The following CASK variants were observed in gnomAD, a reference collection of about 807,000 sequenced individuals.
The protein encoded by CASK is peripheral plasma membrane protein CASK.
CASK carries 4 observed loss-of-function variants against 82.9 expected under a neutral mutation model. The observed-to-expected ratio is 0.05, with a 90% CI of 0.02 to 0.11. CASK has a LOEUF of 0.11. Ranked by LOEUF, CASK falls within the 10% of genes least tolerant of loss-of-function variation. The probability of loss-of-function intolerance (pLI) is 1.00; values close to 1 mark genes in which losing one functional copy is unlikely to be tolerated. For synonymous variants in CASK, 259 were observed against 253.5 expected, an observed-to-expected ratio of 1.02 and a Z score of -0.20; for missense variants, 358 against 720.9, an observed-to-expected ratio of 0.50 and a Z score of 5.76.
rs755594972 is a variant in CASK, at chrX:41,626,682, A to T, written c.937T>A (p.Ser313Thr). The change falls in exon 10 of 27, where the codon TCA becomes ACA. Residue 313 changes from serine to threonine, a missense_variant. Coordinates refer to ENST00000378163, the MANE Select transcript of CASK (RefSeq NM_001367721.1). ...TAGAATGAGTTGAATTTGTGACTTGACACAGCGGCTAGTACTGCACCCTAA... is the reference window on the plus strand; with the variant it reads ...TAGAATGAGTTGAATTTGTGACTTGTCACAGCGGCTAGTACTGCACCCTAA... ...KLKGAVLAAV[S>T]SHKFNSFYGD... The T allele has an allele frequency of 2.1e-5, 25 of 1,195,012 alleles. No individual in the cohort carries two copies. In the South Asian group the frequency reaches 4.4e-4, roughly 21 times the overall value.
intron 25 of CASK, chrX:41,524,768 C>G (rs1032212248): frequency 1.8e-5 from 2 of 111,166 alleles, no homozygotes; most frequent in African/African-American, 6.6e-5. Context: ...TGCAGTCAGA[C>G]GCTGTGGGAG....
chrX:41,910,203 C>A (rs1317758053), intron 1 of CASK, among the ~76,000 whole-genome samples: 1 of 108,517 alleles, frequency 9.2e-6, no homozygotes, highest in African/African-American at 3.4e-5. Flanking sequence ...GCCTGGGTGA[C>A]AGAGTGAGAC....
chrX:41,762,681 T>G (rs1406942476), intron 3 of CASK, among the ~76,000 whole-genome samples: 2 of 111,813 alleles, frequency 1.8e-5, no homozygotes, highest in Non-Finnish European at 3.8e-5. Context: ...CTGGCCTCTA[T>G]GACTCTCAGC....
chrX:41,877,548 G>A (rs1200193396), intron 1 of CASK, among the ~76,000 whole-genome samples: 1 of 111,174 alleles, frequency 9.0e-6, no homozygotes, highest in Non-Finnish European at 1.9e-5. Context: ...AGCCCAGAGG[G>A]TGAGGGTATG....
rs568466549 is a variant in CASK, at chrX:41,535,502, A to G, written c.2156-529T>C. The stretch of plus-strand genomic sequence containing the variant: ...TTCTTTCTTTCAACAGAGTTGATGA[A>G]GGTGGCATGCTAGATTCTAAGGCAA... On this transcript the variant is annotated intron_variant, in intron 22 of 26. Transcript: ENST00000378163. Among the ~76,000 whole-genome samples, 13 of 109,966 alleles carry G rather than the reference A, an allele frequency of 1.2e-4. No individual in the cohort carries two copies. The South Asian group carries it at 5.1e-3, about 43-fold the overall frequency.
intron 5 of CASK, among the ~76,000 whole-genome samples, chrX:41,707,961 T>C (rs1318443215): frequency 9.1e-6 from 1 of 110,397 alleles, no homozygotes; most frequent in Non-Finnish European, 1.9e-5. Flanking sequence ...CTACTAAAAA[T>C]ACAAAAATTA....
intron 5 of CASK, among the ~76,000 whole-genome samples, chrX:41,679,493 CAGTT>C (rs2067317661): frequency 8.9e-6 from 1 of 112,177 alleles, no homozygotes; most frequent in Admixed American, 9.4e-5. Flanking sequence ...ATGAATATAT[CAGTT>C]TGTCCATTCT....
intron 3 of CASK, among the ~76,000 whole-genome samples, chrX:41,751,984 TGC>T (rs779363349): frequency 1.4e-4 from 15 of 106,230 alleles, no homozygotes; most frequent in Non-Finnish European, 2.5e-4. Flanking sequence ...AGATTGAGGT[TGC>T]AGTGAGCCAT....
At chrX:41,760,078 TTTG>T (rs1173994604) in intron 3 of CASK, among the ~76,000 whole-genome samples, 3 of 111,993 alleles carry the variant, frequency 2.7e-5, no homozygotes, top group African/African-American at 9.7e-5. Flanking sequence ...GACCTCTGGA[TTTG>T]TTGTTTACGT....
At chrX:41,545,058 T>C (rs1200303652) in intron 21 of CASK, among the ~76,000 whole-genome samples, 1 of 110,441 alleles carries the variant, frequency 9.1e-6, no homozygotes, top group Non-Finnish European at 1.9e-5. Flanking sequence ...CAGATTCTCC[T>C]TGTGATGCCC....
At chrX:41,918,388 T>C (rs772631829) in intron 1 of CASK, among the ~76,000 whole-genome samples, 90 of 112,706 alleles carry the variant, frequency 8.0e-4, no homozygotes, top group Non-Finnish European at 1.4e-3. Context: ...CACAAGTATG[T>C]AATTTAAAGC....
chrX:41,693,577 G>A (rs1338969149), intron 5 of CASK, among the ~76,000 whole-genome samples: 1 of 112,119 alleles, frequency 8.9e-6, no homozygotes, highest in Non-Finnish European at 1.9e-5. Flanking sequence ...TCACGCCATT[G>A]CACTCTAGCC....
At chrX:41,605,598 G>C (rs2065948457) in intron 12 of CASK, among the ~76,000 whole-genome samples, 1 of 111,616 alleles carries the variant, frequency 9.0e-6, no homozygotes, top group African/African-American at 3.3e-5. Flanking sequence ...ACAAAAAAAG[G>C]CAGAAGAATT....
At chrX:41,730,682 A>T (rs2147694206) in intron 5 of CASK, among the ~76,000 whole-genome samples, 1 of 110,840 alleles carries the variant, frequency 9.0e-6, no homozygotes, top group South Asian at 3.9e-4. Flanking sequence ...AGATGCACAG[A>T]TTTCTCCACA....
intron 2 of CASK, among the ~76,000 whole-genome samples, chrX:41,820,594 T>C (rs950309933): frequency 2.7e-5 from 3 of 111,263 alleles, no homozygotes; most frequent in Non-Finnish European, 5.7e-5. Context: ...AATTAATATA[T>C]AGATTAAAAG....
chrX:41,631,884 G>A (rs765748771), intron 9 of CASK, among the ~76,000 whole-genome samples: 44 of 111,311 alleles, frequency 4.0e-4, no homozygotes, highest in African/African-American at 1.2e-3. Context: ...GAATATTTGC[G>A]GAACTGCTCA....
At chrX:41,888,770 T>G (rs1348151108) in intron 1 of CASK, among the ~76,000 whole-genome samples, 1 of 95,609 alleles carries the variant, frequency 1.0e-5, no homozygotes, top group East Asian at 2.9e-4. Context: ...TGTGTATATA[T>G]GTATATATAC....
In CASK at chrX:41,519,536, T is replaced by G. The variant is rs1308381233; in HGVS notation, c.*884A>C. The G allele has an allele frequency of 1.8e-5, 2 of 111,019 alleles. No homozygotes were observed. Among genetic ancestry groups the G allele is most frequent in the Non-Finnish European group, 3.8e-5 (2 of 52,990 alleles). 9.1% of individuals were successfully genotyped at this position (111,019 alleles called of 1,213,427 possible). ...AAATTGAGACAAAATTACAAACACA[T>G]TTCACTACATGATTATTATTAATAA... On this transcript the variant is annotated 3_prime_UTR_variant, in exon 27 of 27. Coordinates refer to ENST00000378163, the MANE Select transcript of CASK (RefSeq NM_001367721.1).
At chrX:41,774,251 T>C (rs980910017) in intron 3 of CASK, among the ~76,000 whole-genome samples, 2 of 111,001 alleles carry the variant, frequency 1.8e-5, no homozygotes, top group Non-Finnish European at 1.9e-5. Context: ...AGTCTCAGGA[T>C]ACAAAATCAA....
Sources: allele counts gnomAD v4.1 joint callset (sites outside exome capture counted in the v4.1 genomes callset), GRCh38; gene constraint gnomAD v4.1.1; transcripts MANE v1.5; gene names NCBI Gene and HGNC (gene_info 2026-07-23, HGNC 2026-07-21).